GCG: variants seen among roughly 807,000 people sequenced by gnomAD.
GCG encodes glucagon.
In GCG, 11 loss-of-function variants were observed where a neutral mutation model predicts 22.8. The ratio of observed to expected loss-of-function variants is 0.48; its 90% confidence interval spans 0.30 to 0.80. The LOEUF is 0.80. Ranked by LOEUF, GCG falls within the 30% of genes least tolerant of loss-of-function variation. The pLI is 0.06. For synonymous variants in GCG, 89 were observed against 72.4 expected (o/e 1.23, Z -1.16); for missense variants, 222 against 222.0 (o/e 1.00, Z 0.00).
intron 3 of GCG, 143 bp downstream of exon 3, chr2:162,147,210 C>T: frequency 1.5e-6 from 1 of 685,334 alleles, no homozygotes; most frequent in Non-Finnish European, 2.5e-6. Flanking sequence ...CTAAGGAGAG[C>T]ATCCCCAACC....
At chr2:162,147,174 G>A (rs541408451) in intron 3 of GCG, among the ~76,000 whole-genome samples, 179 bp downstream of exon 3, 7 of 152,048 alleles carry the variant, frequency 4.6e-5, no homozygotes, top group South Asian at 2.1e-4. Flanking sequence ...AGAGGGGTGC[G>A]GGTTAAGACA....
Position 162,144,068 on chromosome 2 carries a change from C to T in GCG, c.495G>A (p.Arg165=). ...MNTILDNLAA[R]DFINWLIQTK... The stretch of plus-strand genomic sequence containing the variant: ...TCTGAATCAACCAGTTTATAAAGTC[C>T]CTGGCGGCAAGATTATCAAGAATGG... The change falls in exon 5 of 6, where the codon AGG becomes AGA. Residue 165 remains arginine (R), a synonymous_variant. Coordinates refer to ENST00000418842, the MANE Select transcript of GCG (RefSeq NM_002054.5). The T allele has an allele frequency of 1.2e-6, 2 of 1,613,044 alleles. No individual in the cohort carries two copies. The highest frequency in any genetic ancestry group is 1.7e-6 in the Non-Finnish European group (2 of 1,179,292).
chr2:162,145,810 T>A lies in GCG; in HGVS notation c.255-133A>T, dbSNP rs1294880632. The A allele has an allele frequency of 4.7e-6, 3 of 638,864 alleles. No individual in the cohort carries two copies. The African/African-American group carries it at 5.6e-5, about 12-fold the overall frequency. 39.6% of individuals were successfully genotyped at this position (638,864 alleles called of 1,614,324 possible). A position where few individuals can be genotyped will look rare whatever the true frequency, so the allele number is the denominator to read the frequency against. On this transcript the variant is annotated intron_variant, in intron 3 of 5. Transcript: ENST00000418842. The stretch of plus-strand genomic sequence containing the variant: ...AGGGAGTTTAGGAGATGAGGGTTGC[T>A]AGGGGATTTGTCGTGAAGCTACATT...
chr2:162,147,419 CT>C lies in GCG; in HGVS notation c.187del (p.Ser63AlafsTer16). The part of the protein sequence containing the change: ...HSQGTFTSDY[S>X]KYLDSRRAQD... Reference sequence around the variant, plus strand: ...GGCACGCCTGGAGTCCAGATACTTGCTGTAGTCACTGGTGAATGTGCCCTGT... The same window carrying C: ...GGCACGCCTGGAGTCCAGATACTTGCGTAGTCACTGGTGAATGTGCCCTGT... On this transcript the variant is annotated frameshift_variant, in exon 3 of 6. Transcript: ENST00000418842. LOFTEE classifies it high-confidence loss of function. 1 of 1,612,810 alleles carries C rather than the reference CT, an allele frequency of 6.2e-7. No individual in the cohort carries two copies. The highest frequency in any genetic ancestry group is 8.5e-7 in the Non-Finnish European group (1 of 1,178,974).
intron 2 of GCG, among the ~76,000 whole-genome samples, chr2:162,148,256 G>A (rs1001620660): frequency 6.6e-6 from 1 of 151,878 alleles, no homozygotes; most frequent in African/African-American, 2.4e-5. Context: ...TATTAAAAAA[G>A]GTTTAAACTC....
intron 4 of GCG, 167 bp downstream of exon 4, chr2:162,145,373 A>C (rs1178641910): frequency 3.5e-6 from 2 of 575,084 alleles, no homozygotes; most frequent in Non-Finnish European, 5.7e-6. Context: ...AGTACCAAAA[A>C]CAAAATGGGT....
At chr2:162,146,597 CT>C (rs1214172801) in intron 3 of GCG, among the ~76,000 whole-genome samples, 1 of 151,166 alleles carries the variant, frequency 6.6e-6, no homozygotes, top group African/African-American at 2.4e-5. Context: ...CACTCTCTCT[CT>C]TCTCCAGTCT....
chr2:162,143,665 T>C (rs968203733), intron 5 of GCG, among the ~76,000 whole-genome samples: 2 of 152,206 alleles, frequency 1.3e-5, no homozygotes, highest in African/African-American at 4.8e-5. Flanking sequence ...AAATTAAGTA[T>C]GTAATATTGT....
chr2:162,145,571 C>A lies in GCG; in HGVS notation c.361G>T (p.Ala121Ser). ...LEGQAAKEFIAWLVKGRGRRD... is the reference protein window; with the variant it reads ...LEGQAAKEFISWLVKGRGRRD... ...CTTCCTCGGCCTTTCACCAGCCAAGCAATGAATTCCTTGGCAGCTTGGCCT... is the reference window on the plus strand; with the variant it reads ...CTTCCTCGGCCTTTCACCAGCCAAGAAATGAATTCCTTGGCAGCTTGGCCT... Residue 121 changes from alanine to serine, a missense_variant, in exon 4 of 6, where the codon GCT becomes TCT. Physicochemically the swap from Ala to Ser is moderately conservative, Grantham distance 99 (BLOSUM62 1). Coordinates refer to ENST00000418842, the MANE Select transcript of GCG (RefSeq NM_002054.5). 2 of 1,610,896 alleles carry A rather than the reference C, an allele frequency of 1.2e-6. No homozygotes were observed. The highest frequency in any genetic ancestry group is 1.7e-6 in the Non-Finnish European group (2 of 1,178,350).
At chr2:162,144,445 A>T (rs1250347966) in intron 4 of GCG, 3 of 358,786 alleles carry the variant, frequency 8.4e-6, no homozygotes, top group African/African-American at 2.1e-5. Context: ...TATATTGACA[A>T]TACAGAAACT....
chr2:162,151,995 G>A (rs762588945), intron 1 of GCG, among the ~76,000 whole-genome samples, 163 bp downstream of exon 1: 4 of 151,876 alleles, frequency 2.6e-5, no homozygotes, highest in Non-Finnish European at 5.9e-5. Context: ...TAAAGTACAC[G>A]TAAATGCATT....
At position 162,143,335 on chromosome 2, in the gene GCG, T is replaced by G; in HGVS notation, c.*29A>C. 1 of 1,227,340 alleles carries G rather than the reference T, an allele frequency of 8.1e-7. No individual in the cohort carries two copies. Among genetic ancestry groups the G allele is most frequent in the Non-Finnish European group, 1.1e-6 (1 of 876,478 alleles). The allele number at this position is 1,227,340 out of a possible 1,614,324, so 76.0% of individuals were successfully genotyped here. A position where few individuals can be genotyped will look rare whatever the true frequency, so the allele number is the denominator to read the frequency against. ...ATCCCACGTGGCTAGCAGGTGATGT[T>G]GTGAAGATGATCTTGAATAGTGATA... On this transcript the variant is annotated 3_prime_UTR_variant, in exon 6 of 6. Coordinates refer to ENST00000418842, the MANE Select transcript of GCG (RefSeq NM_002054.5).
intron 2 of GCG, among the ~76,000 whole-genome samples, chr2:162,148,249 TA>T (rs1489602777): frequency 6.6e-6 from 1 of 152,052 alleles, no homozygotes; most frequent in Non-Finnish European, 1.5e-5. Context: ...GGCAAGATAT[TA>T]AAAAAGGTTT....
At chr2:162,150,761 G>GA (rs896205616) in intron 1 of GCG, among the ~76,000 whole-genome samples, 4 of 150,982 alleles carry the variant, frequency 2.6e-5, no homozygotes, top group South Asian at 2.1e-4. Context: ...TCACAAGACT[G>GA]AAAAAAAAAT....
At chr2:162,150,132 T>C (rs149043714) in intron 1 of GCG, among the ~76,000 whole-genome samples, 106 of 152,240 alleles carry the variant, frequency 7.0e-4, no homozygotes, top group African/African-American at 2.3e-3. Flanking sequence ...AACATGAATG[T>C]GGGACAGAAT....
intron 3 of GCG, among the ~76,000 whole-genome samples, chr2:162,147,079 T>G (rs563299169): frequency 6.6e-6 from 1 of 152,108 alleles, no homozygotes; most frequent in African/African-American, 2.4e-5. Context: ...TAAGGGAAAA[T>G]GAGTAAGCAA....
intron 4 of GCG, chr2:162,145,228 T>C (rs554874383): frequency 9.2e-6 from 2 of 216,592 alleles, no homozygotes; most frequent in East Asian, 2.0e-4. Context: ...AGTTTAAATT[T>C]GTCTCAGCGT....
chr2:162,145,514 T>C (rs766676176), intron 4 of GCG, 26 bp downstream of exon 4: 2 of 1,566,754 alleles, frequency 1.3e-6, no homozygotes, highest in Non-Finnish European at 1.7e-6. Flanking sequence ...AGGCAAAAAA[T>C]GTCAAATAAG....
chr2:162,147,892 A>C (rs1686732740), intron 2 of GCG, among the ~76,000 whole-genome samples: 2 of 152,154 alleles, frequency 1.3e-5, no homozygotes, highest in African/African-American at 4.8e-5. Flanking sequence ...CAGCAGATTT[A>C]AGCTCCCAAT....
Sources: allele counts gnomAD v4.1 joint callset (sites outside exome capture counted in the v4.1 genomes callset), GRCh38; gene constraint gnomAD v4.1.1; transcripts MANE v1.5; gene names NCBI Gene and HGNC (gene_info 2026-07-23, HGNC 2026-07-21).